The following GALNTL6 variants were observed in gnomAD, a reference collection of about 807,000 sequenced individuals.
The protein encoded by GALNTL6 is polypeptide N-acetylgalactosaminyltransferase-like 6.
A neutral mutation model predicts 73.7 loss-of-function variants in GALNTL6; 46 were observed. That is an observed-to-expected ratio of 0.62 (90% CI 0.49 to 0.80). The LOEUF (loss-of-function observed/expected upper bound fraction) is 0.80. GALNTL6 is among the 30% of genes least tolerant of loss of function. GALNTL6 has a pLI of 0.00. For synonymous variants in GALNTL6, 259 were observed against 263.7 expected (o/e 0.98, Z 0.17); for missense variants, 604 against 755.0 (o/e 0.80, Z 2.34).
At chr4:172,382,339 G>T (rs1200956807) in intron 5 of GALNTL6, among the ~76,000 whole-genome samples, 3 of 151,338 alleles carry the variant, frequency 2.0e-5, no homozygotes, top group African/African-American at 7.3e-5. Context: ...TTGAGGTTTT[G>T]ATTTATATTT....
intron 5 of GALNTL6, among the ~76,000 whole-genome samples, chr4:172,479,146 G>A (rs1009967283): frequency 1.3e-5 from 2 of 151,984 alleles, no homozygotes; most frequent in South Asian, 2.1e-4. Context: ...TGTTCCATCC[G>A]GGAATCCCAC....
chr4:171,949,578 A>G (rs1202360982), intron 2 of GALNTL6, among the ~76,000 whole-genome samples: 5 of 152,224 alleles, frequency 3.3e-5, no homozygotes, highest in Non-Finnish European at 7.3e-5. Flanking sequence ...TGAGGTGGAA[A>G]GTATTGCAGA....
At chr4:171,920,549 G>A (rs1166061823) in intron 2 of GALNTL6, among the ~76,000 whole-genome samples, 2 of 151,956 alleles carry the variant, frequency 1.3e-5, no homozygotes, top group Non-Finnish European at 2.9e-5. Context: ...AACAAGAAGA[G>A]TTTATTTCAG....
intron 5 of GALNTL6, among the ~76,000 whole-genome samples, chr4:172,750,617 C>T (rs2110779135): frequency 1.3e-5 from 2 of 152,312 alleles, no homozygotes; most frequent in East Asian, 3.9e-4. Context: ...CAACTCCTCC[C>T]TTGACGTTCC....
At chr4:172,217,848 G>T (rs1181353440) in intron 2 of GALNTL6, among the ~76,000 whole-genome samples, 5 of 152,090 alleles carry the variant, frequency 3.3e-5, no homozygotes, top group Non-Finnish European at 5.9e-5. Context: ...TTTGTATAAG[G>T]TTTTGTTTTT....
At chr4:172,596,051 T>C (rs1737840550) in intron 5 of GALNTL6, among the ~76,000 whole-genome samples, 1 of 152,192 alleles carries the variant, frequency 6.6e-6, no homozygotes, top group Admixed American at 6.5e-5. Flanking sequence ...TTGAAAGAAT[T>C]ACTATTACAT....
At chr4:172,400,489 A>G (rs1451377474) in intron 5 of GALNTL6, among the ~76,000 whole-genome samples, 1 of 152,130 alleles carries the variant, frequency 6.6e-6, no homozygotes, top group Non-Finnish European at 1.5e-5. Context: ...AAACCCAACA[A>G]CTGTGACGTA....
chr4:171,894,839 G>C (rs184568222), intron 2 of GALNTL6, among the ~76,000 whole-genome samples: 154 of 151,880 alleles, frequency 1.0e-3, no homozygotes, highest in South Asian at 1.7e-3. Context: ...GGCAAAGACT[G>C]ACTTTTTTTT....
intron 10 of GALNTL6, among the ~76,000 whole-genome samples, chr4:172,980,410 T>C (rs1019961338): frequency 3.9e-5 from 6 of 152,200 alleles, no homozygotes; most frequent in African/African-American, 1.4e-4. Flanking sequence ...AGCCTGAAAC[T>C]CTAGAGCCAT....
chr4:172,825,645 T>C (rs1045476951), intron 7 of GALNTL6, among the ~76,000 whole-genome samples: 1 of 151,894 alleles, frequency 6.6e-6, no homozygotes, highest in Non-Finnish European at 1.5e-5. Flanking sequence ...AAGGGAGAAA[T>C]TGAGCAAAGT....
chr4:173,007,656 A>C (rs1466247033), intron 10 of GALNTL6, among the ~76,000 whole-genome samples: 1 of 152,124 alleles, frequency 6.6e-6, no homozygotes, highest in Admixed American at 6.5e-5. Context: ...AAATACCAAA[A>C]TTAGCTTGGC....
At chr4:172,695,224 C>T (rs1733610036) in intron 5 of GALNTL6, among the ~76,000 whole-genome samples, 1 of 151,850 alleles carries the variant, frequency 6.6e-6, no homozygotes, top group Non-Finnish European at 1.5e-5. Context: ...TGAACAACAA[C>T]AAAAAAGATG....
intron 5 of GALNTL6, among the ~76,000 whole-genome samples, chr4:172,783,497 TTAA>T (rs943107585): frequency 4.5e-4 from 66 of 148,150 alleles, no homozygotes; most frequent in African/African-American, 1.5e-3. Context: ...TTATACACTA[TTAA>T]TAATATACAC....
At chr4:172,785,009 C>T (rs1034949714) in intron 5 of GALNTL6, among the ~76,000 whole-genome samples, 11 of 152,106 alleles carry the variant, frequency 7.2e-5, no homozygotes, top group African/African-American at 2.7e-4. Flanking sequence ...TCCACAAGGA[C>T]AGATGCAGTG....
At chr4:172,310,620 T>A (rs573424244) in intron 3 of GALNTL6, among the ~76,000 whole-genome samples, 3 of 152,102 alleles carry the variant, frequency 2.0e-5, no homozygotes, top group African/African-American at 7.2e-5. Context: ...TTGAAAAAAA[T>A]AAAAATTATA....
intron 10 of GALNTL6, among the ~76,000 whole-genome samples, chr4:172,988,992 A>G (rs1167885110): frequency 5.9e-5 from 9 of 152,244 alleles, no homozygotes; most frequent in Admixed American, 4.6e-4. Flanking sequence ...CTGCTAGGAC[A>G]GTGCAGAGGG....
intron 5 of GALNTL6, among the ~76,000 whole-genome samples, chr4:172,482,645 C>T (rs1359212132): frequency 1.3e-5 from 2 of 152,212 alleles, no homozygotes; most frequent in African/African-American, 2.4e-5. Context: ...AGACTCTCAA[C>T]ATTTAGGATT....
chr4:172,237,148 G>A (rs1009858965), intron 3 of GALNTL6, among the ~76,000 whole-genome samples: 4 of 152,250 alleles, frequency 2.6e-5, no homozygotes, highest in Admixed American at 2.6e-4. Flanking sequence ...CCATGTCTTT[G>A]TTATGGTGAA....
At chr4:171,928,588 T>C (rs1442192128) in intron 2 of GALNTL6, among the ~76,000 whole-genome samples, 1 of 152,256 alleles carries the variant, frequency 6.6e-6, no homozygotes, top group Non-Finnish European at 1.5e-5. Flanking sequence ...CTTTCATATT[T>C]AAATTGTACA....
Sources: gnomAD v4.1 joint callset for allele counts (sites outside exome capture counted in the v4.1 genomes callset) on GRCh38, gnomAD v4.1.1 for gene constraint, MANE v1.5 for transcripts, NCBI Gene and HGNC (gene_info 2026-07-23, HGNC 2026-07-21) for gene names.